LOC112694756: variants seen among roughly 807,000 people sequenced by gnomAD.
the LOC112694756 span, among the ~76,000 whole-genome samples, chr16:30,054,194 C>T: frequency 6.6e-6 from 1 of 151,764 alleles, no homozygotes; most frequent in Non-Finnish European, 1.5e-5. Flanking sequence ...GTGGCGCGCA[C>T]CTGTAATCCC....
chr16:30,058,997 G>T, the LOC112694756 span: 2 of 398,492 alleles, frequency 5.0e-6, no homozygotes, highest in Non-Finnish European at 8.8e-6. Flanking sequence ...AACAGAGGGT[G>T]AGAAATGACG....
chr16:30,054,247 G>C, the LOC112694756 span, among the ~76,000 whole-genome samples: 2 of 150,868 alleles, frequency 1.3e-5, no homozygotes, highest in African/African-American at 2.4e-5. Context: ...TTGAACCCGG[G>C]TGGCAGAGGT....
chr16:30,070,315 T>G, the LOC112694756 span: 2 of 1,099,834 alleles, frequency 1.8e-6, no homozygotes, highest in Non-Finnish European at 2.8e-6. Context: ...TTGCCCGCGC[T>G]CTTTCTTCCC....
At chr16:30,069,157 G>C in the LOC112694756 span, 1 of 1,326,662 alleles carries the variant, frequency 7.5e-7, no homozygotes, top group Non-Finnish European at 1.1e-6. Context: ...GGGTGGATCT[G>C]AGGCGGCTCT....
At chr16:30,066,927 C>T in the LOC112694756 span, 78 of 1,550,860 alleles carry the variant, frequency 5.0e-5, no homozygotes, top group Non-Finnish European at 6.3e-5. Flanking sequence ...AAGGGTCCAG[C>T]TTCAACATGA....
At chr16:30,069,171 C>G in the LOC112694756 span, 3 of 1,332,138 alleles carry the variant, frequency 2.3e-6, no homozygotes, top group South Asian at 3.7e-5. Context: ...CGGCTCTTGT[C>G]TCCTGTAATC....
At chr16:30,059,502 A>AAAT in the LOC112694756 span, among the ~76,000 whole-genome samples, 496 of 151,078 alleles carry the variant, frequency 3.3e-3, no homozygotes, top group African/African-American at 9.6e-3. Context: ...CCGTCTCAAA[A>AAAT]AATAATAATA....
chr16:30,055,014 G>A, the LOC112694756 span: 2 of 317,116 alleles, frequency 6.3e-6, no homozygotes, highest in Non-Finnish European at 1.1e-5. Flanking sequence ...CTCTTACCCT[G>A]AGACACTTGA....
chr16:30,058,980 C>G, the LOC112694756 span: 1 of 398,572 alleles, frequency 2.5e-6, no homozygotes, highest in East Asian at 3.6e-5. Context: ...AATAACCAGG[C>G]CATTACAACA....
chr16:30,067,762 A>G, the LOC112694756 span: 1 of 1,375,446 alleles, frequency 7.3e-7, no homozygotes, highest in Non-Finnish European at 1.0e-6. Flanking sequence ...TGGCCTAGAG[A>G]CTTGCATGGA....
chr16:30,068,407 C>T, the LOC112694756 span: 126 of 574,370 alleles, frequency 2.2e-4, no homozygotes, highest in East Asian at 3.5e-3. Flanking sequence ...AAAATATTTG[C>T]CAGCCCTGAG....
At chr16:30,067,545 G>A in the LOC112694756 span, 45 of 1,613,814 alleles carry the variant, frequency 2.8e-5, no homozygotes, top group Non-Finnish European at 3.6e-5. Flanking sequence ...TGACGACCGC[G>A]TGAACCCCTG....
the LOC112694756 span, among the ~76,000 whole-genome samples, chr16:30,061,548 C>CTTTT: frequency 7.6e-4 from 50 of 65,620 alleles, 8 homozygotes; most frequent in Admixed American, 2.0e-3. Context: ...CCTCCATTTC[C>CTTTT]TTTTTTTTTT....
At chr16:30,063,839 A>C in the LOC112694756 span, 1 of 398,986 alleles carries the variant, frequency 2.5e-6, no homozygotes, top group Admixed American at 4.4e-5. Flanking sequence ...TCAAGCTCCG[A>C]TGAGGACCCA....
At chr16:30,070,116 G>A in the LOC112694756 span, 1 of 1,614,000 alleles carries the variant, frequency 6.2e-7, no homozygotes, top group Non-Finnish European at 8.5e-7. Context: ...TCCCTGCTTA[G>A]GCCAACAGCC....
At chr16:30,069,482 C>T in the LOC112694756 span, 23 of 1,613,948 alleles carry the variant, frequency 1.4e-5, no homozygotes, top group Middle Eastern at 4.9e-4. Flanking sequence ...ACCCACCGTG[C>T]GCCTGCTCTG....
At chr16:30,053,792 T>G in the LOC112694756 span, among the ~76,000 whole-genome samples, 1 of 152,126 alleles carries the variant, frequency 6.6e-6, no homozygotes, top group Non-Finnish European at 1.5e-5. Context: ...TTTGGGGAAC[T>G]GCTAGGGCTA....
the LOC112694756 span, among the ~76,000 whole-genome samples, chr16:30,065,218 C>T: frequency 7.2e-5 from 11 of 152,234 alleles, no homozygotes; most frequent in Admixed American, 7.2e-4. Flanking sequence ...CCCTTTCCTC[C>T]GCCTCCCTTA....
the LOC112694756 span, chr16:30,067,844 C>T: frequency 4.3e-6 from 3 of 703,640 alleles, no homozygotes; most frequent in South Asian, 1.7e-5. Context: ...GTATCATTCC[C>T]ACTTTACACA....
Sources: allele counts gnomAD v4.1 joint callset (sites outside exome capture counted in the v4.1 genomes callset), GRCh38; gene constraint gnomAD v4.1.1; transcripts MANE v1.5.